Variants in PTPN4 observed in about 807,000 individuals in gnomAD.
PTPN4 encodes tyrosine-protein phosphatase non-receptor type 4.
In PTPN4, 49 loss-of-function variants were observed where a neutral mutation model predicts 135.5. The observed-to-expected ratio is 0.36, with a 90% CI of 0.29 to 0.46. The LOEUF is 0.46. Ranked by LOEUF, PTPN4 falls within the 20% of genes least tolerant of loss-of-function variation. PTPN4 has a pLI of 1.00. For synonymous variants in PTPN4, 333 were observed against 369.9 expected (o/e 0.90, Z 1.14); for missense variants, 860 against 1,101.0 (o/e 0.78, Z 3.10).
intron 9 of PTPN4, among the ~76,000 whole-genome samples, chr2:119,899,620 T>G (rs1430548289): frequency 2.0e-5 from 3 of 152,184 alleles, no homozygotes; most frequent in African/African-American, 7.2e-5. Context: ...TTTTATGAGG[T>G]TGGGAGCAGA....
intron 2 of PTPN4, among the ~76,000 whole-genome samples, chr2:119,855,505 C>G (rs1677663334): frequency 6.6e-6 from 1 of 152,146 alleles, no homozygotes; most frequent in South Asian, 2.1e-4. Flanking sequence ...AGTTTCCCTT[C>G]TTTACATATA....
chr2:119,844,497 G>A (rs1389905851), intron 2 of PTPN4, among the ~76,000 whole-genome samples: 30 of 147,858 alleles, frequency 2.0e-4, no homozygotes, highest in African/African-American at 7.0e-4. Context: ...CTTCTCAGAC[G>A]GGGTGGTTGC....
intron 2 of PTPN4, among the ~76,000 whole-genome samples, chr2:119,837,428 C>T (rs979842498): frequency 3.3e-5 from 5 of 152,006 alleles, no homozygotes; most frequent in Non-Finnish European, 5.9e-5. Flanking sequence ...CTTGTCTGGA[C>T]GACCTGCCTG....
intron 1 of PTPN4, among the ~76,000 whole-genome samples, chr2:119,762,607 G>A (rs940456800): frequency 1.8e-4 from 28 of 152,068 alleles, no homozygotes; most frequent in Admixed American, 5.2e-4. Context: ...CCCCGCTTGA[G>A]AGTTAATATG....
rs138866324 is a variant in PTPN4, at chr2:119,980,705, G to C, written c.*3635G>C. The C allele has an allele frequency of 6.6e-6, 1 of 151,922 alleles. No individual in the cohort carries two copies. Among genetic ancestry groups the C allele is most frequent in the African/African-American group, 2.4e-5 (1 of 41,398 alleles). The allele number at this position is 151,922 out of a possible 1,614,324, so 9.4% of individuals were successfully genotyped here. On this transcript the variant is annotated 3_prime_UTR_variant, in exon 27 of 27. Transcript: ENST00000263708. ...GACAACCTTAAAGGATGTCACTTAA[G>C]TTAGAAAATAAGCAGGCTTAAGAAG...
chr2:119,804,003 C>T (rs1301271049), intron 1 of PTPN4, among the ~76,000 whole-genome samples: 1 of 151,962 alleles, frequency 6.6e-6, no homozygotes, highest in Non-Finnish European at 1.5e-5. Context: ...CATCTCTTTC[C>T]ATCCTTGTAC....
chr2:119,794,418 G>A (rs114043742), intron 1 of PTPN4, among the ~76,000 whole-genome samples: 2,656 of 152,238 alleles, frequency 0.017, 43 homozygotes, highest in Non-Finnish European at 0.027. Context: ...GCAGCAAGGC[G>A]TGTGTGGAGC....
At chr2:119,864,553 G>A (rs1358194513) in intron 3 of PTPN4, among the ~76,000 whole-genome samples, 1 of 152,024 alleles carries the variant, frequency 6.6e-6, no homozygotes, top group African/African-American at 2.4e-5. Context: ...TAAGTGACAA[G>A]ATGACAAAAG....
intron 1 of PTPN4, among the ~76,000 whole-genome samples, chr2:119,776,340 T>C (rs1690836087): frequency 6.6e-6 from 1 of 152,128 alleles, no homozygotes; most frequent in South Asian, 2.1e-4. Context: ...CACGCCCGGC[T>C]AATTTTTTGT....
intron 10 of PTPN4, among the ~76,000 whole-genome samples, chr2:119,903,556 G>C (rs1678439702): frequency 1.4e-5 from 2 of 147,666 alleles, no homozygotes; most frequent in Non-Finnish European, 3.0e-5. Context: ...TGCAGCTGCT[G>C]ACACACACAC....
chr2:119,811,188 C>G (rs1030307069), intron 2 of PTPN4, among the ~76,000 whole-genome samples: 8 of 152,030 alleles, frequency 5.3e-5, no homozygotes, highest in Non-Finnish European at 1.2e-4. Context: ...AGGTATCAAA[C>G]CTGCATGTTG....
chr2:119,842,777 A>G lies in PTPN4; in HGVS notation c.139-19759A>G, dbSNP rs530900928. Among the ~76,000 whole-genome samples the G allele has an allele frequency of 1.2e-4, 18 of 152,332 alleles. No homozygotes were observed. In the South Asian group the frequency reaches 3.1e-3, roughly 26 times the overall value. On this transcript the variant is annotated intron_variant, in intron 2 of 26. Coordinates refer to ENST00000263708, the MANE Select transcript of PTPN4 (RefSeq NM_002830.4). The stretch of plus-strand genomic sequence containing the variant: ...TGGTAACATCTTCTCTAACTGTGGT[A>G]CAATATTAAAGTCCCATTAGTTGAC...
At chr2:119,903,251 C>G (rs1433880228) in intron 10 of PTPN4, among the ~76,000 whole-genome samples, 1 of 152,058 alleles carries the variant, frequency 6.6e-6, no homozygotes, top group Admixed American at 6.6e-5. Flanking sequence ...GCAGCAAGAC[C>G]ACTGTACAGC....
chr2:119,800,502 A>G (rs559678903), intron 1 of PTPN4, among the ~76,000 whole-genome samples: 2 of 137,778 alleles, frequency 1.5e-5, no homozygotes, highest in South Asian at 2.3e-4. Context: ...GTACTAGTCT[A>G]TTGTCAGATA....
intron 3 of PTPN4, among the ~76,000 whole-genome samples, chr2:119,869,319 T>G (rs1281366663): frequency 6.6e-6 from 1 of 152,248 alleles, no homozygotes; most frequent in Non-Finnish European, 1.5e-5. Context: ...GTTACCTGGC[T>G]GTACACATTT....
chr2:119,954,366 TACC>T (rs1679249440), intron 19 of PTPN4, among the ~76,000 whole-genome samples: 1 of 152,114 alleles, frequency 6.6e-6, no homozygotes, highest in Admixed American at 6.6e-5. Flanking sequence ...TCCCTTTCTA[TACC>T]ACTTTTTTTC....
chr2:119,863,514 T>G (rs1677790181), intron 3 of PTPN4, among the ~76,000 whole-genome samples: 1 of 152,178 alleles, frequency 6.6e-6, no homozygotes, highest in African/African-American at 2.4e-5. Context: ...TAAGGCTATA[T>G]TAATAGAAGG....
At chr2:119,784,311 CTCAA>C (rs1691003695) in intron 1 of PTPN4, among the ~76,000 whole-genome samples, 1 of 139,272 alleles carries the variant, frequency 7.2e-6, no homozygotes. Flanking sequence ...ATCTCCTGGG[CTCAA>C]TCAGTCTTCC....
At chr2:119,865,316 T>C (rs940948125) in intron 3 of PTPN4, among the ~76,000 whole-genome samples, 1 of 152,124 alleles carries the variant, frequency 6.6e-6, no homozygotes, top group Non-Finnish European at 1.5e-5. Context: ...GGAGTATCAT[T>C]TATAAAACAT....
Sources: allele counts gnomAD v4.1 joint callset (sites outside exome capture counted in the v4.1 genomes callset), GRCh38; gene constraint gnomAD v4.1.1; transcripts MANE v1.5; gene names NCBI Gene and HGNC (gene_info 2026-07-23, HGNC 2026-07-21).